UTRN: variants seen among roughly 807,000 people sequenced by gnomAD.
The protein encoded by UTRN is dystrophin-related protein 1.
A neutral mutation model predicts 463.9 loss-of-function variants in UTRN; 283 were observed. That is an observed-to-expected ratio of 0.61 (90% CI 0.55 to 0.67). The LOEUF (loss-of-function observed/expected upper bound fraction) is 0.67, where lower values mean the gene tolerates loss of function less well. UTRN is among the 30% of genes least tolerant of loss of function. The pLI is 0.00. For missense variants in UTRN, 3,922 were observed against 4,084.3 expected, an observed-to-expected ratio of 0.96 and a Z score of 1.08; for synonymous variants, 1,442 against 1,431.5, an observed-to-expected ratio of 1.01 and a Z score of -0.17.
chr6:144,537,111 T>C (rs1200207069), intron 43 of UTRN, among the ~76,000 whole-genome samples: 1 of 152,102 alleles, frequency 6.6e-6, no homozygotes, highest in Non-Finnish European at 1.5e-5. Context: ...TTCTTTCTGT[T>C]CTATGAATAA....
intron 26 of UTRN, among the ~76,000 whole-genome samples, chr6:144,480,507 A>G (rs1315975262): frequency 6.6e-6 from 1 of 152,248 alleles, no homozygotes; most frequent in Non-Finnish European, 1.5e-5. Flanking sequence ...CATACGGCAC[A>G]TATGAACACT....
At chr6:144,457,387 C>A (rs1388884358) in intron 19 of UTRN, among the ~76,000 whole-genome samples, 3 of 152,132 alleles carry the variant, frequency 2.0e-5, no homozygotes, top group African/African-American at 7.2e-5. Context: ...ATTTTATTTA[C>A]CTACTTAATT....
chr6:144,447,954 A>G (rs1454526022), intron 16 of UTRN, among the ~76,000 whole-genome samples, 173 bp downstream of exon 16: 2 of 152,266 alleles, frequency 1.3e-5, no homozygotes, highest in East Asian at 3.8e-4. Context: ...TTAATAGATT[A>G]TCTTAATATC....
chr6:144,483,313 T>G (rs1023662151), intron 27 of UTRN, among the ~76,000 whole-genome samples: 2 of 152,218 alleles, frequency 1.3e-5, no homozygotes, highest in Admixed American at 6.5e-5. Context: ...CATTTTTTCT[T>G]TCCCATAAGA....
At chr6:144,716,800 C>T (rs1390734509) in intron 53 of UTRN, among the ~76,000 whole-genome samples, 1 of 152,074 alleles carries the variant, frequency 6.6e-6, no homozygotes, top group African/African-American at 2.4e-5. Context: ...CATGTCATGC[C>T]TATTTCTTCA....
intron 60 of UTRN, among the ~76,000 whole-genome samples, chr6:144,776,133 C>T (rs986787848): frequency 6.6e-6 from 1 of 152,182 alleles, no homozygotes; most frequent in African/African-American, 2.4e-5. Flanking sequence ...TCTGCTTCTT[C>T]CTCTCCCTTC....
intron 53 of UTRN, among the ~76,000 whole-genome samples, chr6:144,704,918 C>T (rs1429434547): frequency 2.6e-5 from 4 of 152,098 alleles, no homozygotes; most frequent in Admixed American, 2.0e-4. Flanking sequence ...GCCAAGATCA[C>T]GCCACTGCAC....
chr6:144,775,869 C>T (rs1051616667), intron 60 of UTRN, among the ~76,000 whole-genome samples: 1 of 152,072 alleles, frequency 6.6e-6, no homozygotes, highest in African/African-American at 2.4e-5. Context: ...AGAAAAAAAC[C>T]CCCTCCTCAG....
chr6:144,785,107 T>C lies in UTRN; in HGVS notation c.8834+2984T>C, dbSNP rs73007419. On this transcript the variant is annotated intron_variant, in intron 61 of 74. Coordinates refer to ENST00000367545, the MANE Select transcript of UTRN (RefSeq NM_007124.3). ...ACTCTTTTCAACCAATAATTTTCTT[T>C]GAGAATCAGATAGAAATTACTATCT... Among the ~76,000 whole-genome samples the C allele has an allele frequency of 6.5e-3, 984 of 152,376 alleles. 8 individuals are homozygous for C. Among genetic ancestry groups the C allele is most frequent in the Non-Finnish European group, 8.5e-3 (579 of 68,034 alleles).
chr6:144,473,694 C>T, intron 23 of UTRN, 26 bp from the exon 24 acceptor site: 2 of 1,589,652 alleles, frequency 1.3e-6, no homozygotes, highest in Non-Finnish European at 1.7e-6. Context: ...GAAGTAATAT[C>T]CCCCTCTGTT....
chr6:144,287,096 C>G (rs976389565), intron 1 of UTRN, among the ~76,000 whole-genome samples: 1 of 152,206 alleles, frequency 6.6e-6, no homozygotes, highest in Non-Finnish European at 1.5e-5. Context: ...GGAAGTCGAT[C>G]TGGGCCCTCC....
intron 64 of UTRN, among the ~76,000 whole-genome samples, chr6:144,799,050 C>G (rs1181838988): frequency 6.6e-6 from 1 of 152,198 alleles, no homozygotes; most frequent in Non-Finnish European, 1.5e-5. Context: ...CTATGTGTAT[C>G]TTTTATTCGT....
chr6:144,791,914 A>G (rs1407310861), intron 62 of UTRN, among the ~76,000 whole-genome samples: 1 of 152,198 alleles, frequency 6.6e-6, no homozygotes, highest in Non-Finnish European at 1.5e-5. Flanking sequence ...ACTTTTCTGC[A>G]AAGATTATTA....
chr6:144,640,053 A>AGC (rs1450698597), intron 51 of UTRN, among the ~76,000 whole-genome samples: 6 of 151,912 alleles, frequency 3.9e-5, no homozygotes, highest in African/African-American at 1.5e-4. Flanking sequence ...GTTTTGAGAG[A>AGC]GAGAGAGATT....
At chr6:144,820,441 G>T (rs535389666) in intron 65 of UTRN, among the ~76,000 whole-genome samples, 1 of 151,384 alleles carries the variant, frequency 6.6e-6, no homozygotes, top group African/African-American at 2.4e-5. Flanking sequence ...AGCCAGCATC[G>T]GCTCTATGAC....
intron 9 of UTRN, among the ~76,000 whole-genome samples, chr6:144,430,813 C>CT (rs1453399891): frequency 3.9e-5 from 6 of 151,996 alleles, no homozygotes; most frequent in South Asian, 2.1e-4. Context: ...GACATAGCAT[C>CT]TTTTTTTTCC....
intron 51 of UTRN, among the ~76,000 whole-genome samples, chr6:144,606,994 T>C (rs1804921217): frequency 6.6e-6 from 1 of 152,206 alleles, no homozygotes. Flanking sequence ...GTACATCCTT[T>C]ACCCATTTAT....
chr6:144,839,363 C>A, intron 72 of UTRN, 79 bp downstream of exon 72: 1 of 1,146,406 alleles, frequency 8.7e-7, no homozygotes, highest in Non-Finnish European at 1.3e-6. Context: ...TGTTAAGTAA[C>A]ATTCCTACAC....
chr6:144,378,540 A>G (rs1319010754), intron 2 of UTRN, among the ~76,000 whole-genome samples: 1 of 152,202 alleles, frequency 6.6e-6, no homozygotes, highest in Non-Finnish European at 1.5e-5. Flanking sequence ...CGTCTGAATT[A>G]AGCAGGTTGA....
Sources: allele counts gnomAD v4.1 joint callset (sites outside exome capture counted in the v4.1 genomes callset), GRCh38; gene constraint gnomAD v4.1.1; transcripts MANE v1.5; gene names NCBI Gene and HGNC (gene_info 2026-07-23, HGNC 2026-07-21).